Variants in HSF2BP observed in about 807,000 individuals in gnomAD.
HSF2BP encodes the protein heat shock factor 2-binding protein.
Under a neutral mutation model 35.0 loss-of-function variants are expected in HSF2BP, and 35 were observed. The observed-to-expected ratio is 1.00, with a 90% CI of 0.76 to 1.32. The LOEUF is 1.32. HSF2BP is among the 40% of genes most tolerant of loss of function. The pLI is 0.00. For missense variants in HSF2BP, 326 were observed against 321.7 expected, an observed-to-expected ratio of 1.01 and a Z score of -0.10; for synonymous variants, 114 against 117.4, an observed-to-expected ratio of 0.97 and a Z score of 0.18.
chr21:43,585,327 G>GT (rs985113104), intron 8 of HSF2BP, among the ~76,000 whole-genome samples: 3 of 152,072 alleles, frequency 2.0e-5, no homozygotes, highest in African/African-American at 7.2e-5. Context: ...TAAGTAAAAT[G>GT]TTTTTTTGTG....
intron 8 of HSF2BP, among the ~76,000 whole-genome samples, chr21:43,582,160 C>G (rs1374220134): frequency 0.017 from 443 of 25,948 alleles, no homozygotes; most frequent in Admixed American, 0.029. Context: ...GGGAATGAGG[C>G]CCTGCTGTGG....
intron 6 of HSF2BP, among the ~76,000 whole-genome samples, chr21:43,623,670 T>C (rs184264042): frequency 3.9e-5 from 6 of 152,312 alleles, no homozygotes; most frequent in African/African-American, 1.4e-4. Flanking sequence ...TGAAGTCACC[T>C]GGGTCAAGGT....
At chr21:43,652,914 C>T (rs1192429573) in intron 3 of HSF2BP, among the ~76,000 whole-genome samples, 1 of 152,096 alleles carries the variant, frequency 6.6e-6, no homozygotes, top group Non-Finnish European at 1.5e-5. Context: ...GCGGGCAGAT[C>T]ACCTGAGGTC....
intron 7 of HSF2BP, among the ~76,000 whole-genome samples, chr21:43,594,943 A>G (rs975094359): frequency 2.0e-5 from 3 of 152,234 alleles, no homozygotes; most frequent in African/African-American, 7.2e-5. Flanking sequence ...GGACTGTTTC[A>G]AAGAAACACA....
Position 43,614,897 on chromosome 21 carries a change from T to C in HSF2BP, c.575-950A>G, listed in dbSNP as rs147108595. Reference sequence around the variant, plus strand: ...GAAATTATATGTAGTCAAAAAAGAGTATGAAAATGGATTTTGAAGAAAACT... The same window carrying C: ...GAAATTATATGTAGTCAAAAAAGAGCATGAAAATGGATTTTGAAGAAAACT... On this transcript the variant is annotated intron_variant, in intron 6 of 8. Coordinates refer to ENST00000291560, the MANE Select transcript of HSF2BP (RefSeq NM_007031.2). Among the ~76,000 whole-genome samples the C allele has an allele frequency of 1.4e-3, 215 of 152,236 alleles. 2 individuals are homozygous for C. Among genetic ancestry groups the C allele is most frequent in the Non-Finnish European group, 2.7e-3 (187 of 68,010 alleles).
At position 43,656,695 on chromosome 21, in the gene HSF2BP, C is replaced by T; in HGVS notation, c.79G>A (p.Asp27Asn). 6.2e-7 allele frequency: 1 copy of T among 1,613,954 alleles called. No individual in the cohort carries two copies. Among genetic ancestry groups the T allele is most frequent in the Non-Finnish European group, 8.5e-7 (1 of 1,179,922 alleles). The change falls in exon 3 of 9, where the codon GAT becomes AAT. Residue 27 changes from aspartate (D) to asparagine (N), a missense_variant. Physicochemically the swap from Asp to Asn is conservative, Grantham distance 23. Coordinates refer to ENST00000291560, the MANE Select transcript of HSF2BP (RefSeq NM_007031.2). ...ACTTCAGTTGTCAGCCGTTCCAGAT[C>T]CTTCTTTCTGACTTTAACAAATTCC... ...KEEFVKVRKK[D>N]LERLTTEVMQ...
intron 2 of HSF2BP, chr21:43,657,766 G>C (rs2082895011): frequency 1.1e-6 from 1 of 886,922 alleles, no homozygotes; most frequent in African/African-American, 1.8e-5. Flanking sequence ...CCACGGAGCA[G>C]AGAAGAGAGT....
At chr21:43,606,257 G>T (rs1000874360) in intron 7 of HSF2BP, among the ~76,000 whole-genome samples, 1 of 152,200 alleles carries the variant, frequency 6.6e-6, no homozygotes, top group African/African-American at 2.4e-5. Context: ...AATGACGAGA[G>T]TCCGTGCACA....
chr21:43,603,468 C>T (rs1232430002), intron 7 of HSF2BP, among the ~76,000 whole-genome samples: 1 of 152,220 alleles, frequency 6.6e-6, no homozygotes, highest in Admixed American at 6.5e-5. Flanking sequence ...AGAACCCTGC[C>T]AGGGGCATGC....
At chr21:43,572,806 GA>G (rs2081592961) in intron 8 of HSF2BP, among the ~76,000 whole-genome samples, 1 of 152,222 alleles carries the variant, frequency 6.6e-6, no homozygotes, top group African/African-American at 2.4e-5. Flanking sequence ...TTAGCAAAGT[GA>G]AAAAGTTCCA....
At chr21:43,585,518 CG>C (rs1568888367) in intron 8 of HSF2BP, among the ~76,000 whole-genome samples, 1 of 151,784 alleles carries the variant, frequency 6.6e-6, no homozygotes, top group Non-Finnish European at 1.5e-5. Flanking sequence ...TGGTGATGGG[CG>C]CCTGTAATCC....
intron 7 of HSF2BP, among the ~76,000 whole-genome samples, chr21:43,610,181 C>G (rs1372028107): frequency 6.6e-6 from 1 of 152,004 alleles, no homozygotes; most frequent in Non-Finnish European, 1.5e-5. Context: ...ACAGGTGACT[C>G]AAAGGAAAAA....
At chr21:43,630,695 C>A (rs544407573) in intron 5 of HSF2BP, among the ~76,000 whole-genome samples, 11 of 152,142 alleles carry the variant, frequency 7.2e-5, no homozygotes, top group African/African-American at 2.6e-4. Context: ...GACAAATGTA[C>A]ATGATGATGA....
chr21:43,598,452 C>T (rs2082013057), intron 7 of HSF2BP, among the ~76,000 whole-genome samples: 1 of 151,346 alleles, frequency 6.6e-6, no homozygotes, highest in Non-Finnish European at 1.5e-5. Flanking sequence ...AAACTCCTGA[C>T]CTCAGGTGAC....
chr21:43,604,011 T>G (rs1184702905), intron 7 of HSF2BP, among the ~76,000 whole-genome samples: 1 of 152,094 alleles, frequency 6.6e-6, no homozygotes. Context: ...AGCTCTGCAT[T>G]CTGGGAAAAT....
At chr21:43,616,444 G>C (rs1255579142) in intron 6 of HSF2BP, among the ~76,000 whole-genome samples, 2 of 151,938 alleles carry the variant, frequency 1.3e-5, no homozygotes, top group Non-Finnish European at 2.9e-5. Context: ...AGGAGTTTGA[G>C]ATGAGCCTGG....
chr21:43,571,910 A>C (rs2838317), intron 8 of HSF2BP, among the ~76,000 whole-genome samples: 87,166 of 149,364 alleles, frequency 0.58, 25,819 homozygotes, highest in East Asian at 0.79. Context: ...TCAGTCTAAC[A>C]AAACAGCGGG....
At chr21:43,658,035 G>C in intron 2 of HSF2BP, 26 bp downstream of exon 2, 1 of 1,535,628 alleles carries the variant, frequency 6.5e-7, no homozygotes, top group Non-Finnish European at 8.7e-7. Context: ...AAACACGCTG[G>C]CGTCGGCCAG....
At position 43,658,103 on chromosome 21, in the gene HSF2BP, T is replaced by A. The variant is rs899460385; in HGVS notation, c.-7A>T. On this transcript the variant is annotated 5_prime_UTR_variant, in exon 2 of 9. Coordinates refer to ENST00000291560, the MANE Select transcript of HSF2BP (RefSeq NM_007031.2). ...CGGCGCCCGCTTCGCCCATGGCCGC[T>A]GCCGCCTCCGCTCCGTTCGCCTGAG... 3.9e-6 allele frequency: 6 copies of A among 1,533,920 alleles called. No homozygotes were observed. The highest frequency in any genetic ancestry group is 1.4e-5 in the African/African-American group (1 of 72,904).
Sources: gnomAD v4.1 joint callset for allele counts (sites outside exome capture counted in the v4.1 genomes callset) on GRCh38, gnomAD v4.1.1 for gene constraint, MANE v1.5 for transcripts, NCBI Gene and HGNC (gene_info 2026-07-23, HGNC 2026-07-21) for gene names.